ZCCHC4: variants seen among roughly 807,000 people sequenced by gnomAD.
ZCCHC4 encodes zinc finger CCHC-type containing 4.
In ZCCHC4, 54 loss-of-function variants were observed where a neutral mutation model predicts 67.7. The ratio of observed to expected loss-of-function variants is 0.80; its 90% CI spans 0.64 to 1.00. The LOEUF is 1.00. Among genes scored for constraint, ZCCHC4 ranks in the 50% least tolerant of loss-of-function variants. ZCCHC4 has a pLI of 0.00. For synonymous variants in ZCCHC4, 198 were observed against 213.5 expected (o/e 0.93, Z 0.63); for missense variants, 609 against 617.0 (o/e 0.99, Z 0.14).
At chr4:25,342,502 T>C (rs1719803901) in intron 5 of ZCCHC4, among the ~76,000 whole-genome samples, 1 of 152,232 alleles carries the variant, frequency 6.6e-6, no homozygotes, top group South Asian at 2.1e-4. Context: ...TGAAACTCTA[T>C]TTGGCAAACT....
In ZCCHC4 at chr4:25,359,786, C is replaced by T. The variant is rs1560416093; in HGVS notation, c.1012-2073C>T. On this transcript the variant is annotated intron_variant, in intron 8 of 12. Transcript: ENST00000302874. The surrounding 1 kb of genome is among the most constrained non-coding windows in gnomAD (Gnocchi z 4.9). The stretch of plus-strand genomic sequence containing the variant: ...TGCGCGACCTGGTCCCACCCTGGCA[C>T]TCCAGCCTAAAGACTATGTGCTGCA... 6.6e-6 allele frequency among the ~76,000 whole-genome samples: 1 copy of T among 152,252 alleles called. No homozygotes were observed. The highest frequency in any genetic ancestry group is 1.5e-5 in the Non-Finnish European group (1 of 68,052).
At chr4:25,316,958 A>G (rs939262860) in intron 3 of ZCCHC4, among the ~76,000 whole-genome samples, 3 of 152,206 alleles carry the variant, frequency 2.0e-5, no homozygotes, top group Non-Finnish European at 4.4e-5. Context: ...ATCTCTAAAC[A>G]TCTATTTTTA....
At chr4:25,337,475 A>C (rs1719513618) in intron 5 of ZCCHC4, among the ~76,000 whole-genome samples, 1 of 152,178 alleles carries the variant, frequency 6.6e-6, no homozygotes, top group South Asian at 2.1e-4. Context: ...TTTTCCTGAG[A>C]ACTCCAGCAG....
intron 10 of ZCCHC4, among the ~76,000 whole-genome samples, chr4:25,363,304 T>C (rs539266525): frequency 6.6e-6 from 1 of 152,354 alleles, no homozygotes; most frequent in African/African-American, 2.4e-5. Flanking sequence ...TTTCACTTAG[T>C]AATAGGCATT....
At chr4:25,362,439 A>T (rs1720782834) in intron 10 of ZCCHC4, 138 bp downstream of exon 10, 2 of 479,412 alleles carry the variant, frequency 4.2e-6, no homozygotes, top group Non-Finnish European at 6.8e-6. Context: ...ATTATGCTAT[A>T]ATACAATATT....
At chr4:25,352,385 T>A in intron 8 of ZCCHC4, 2 of 985,578 alleles carry the variant, frequency 2.0e-6, no homozygotes, top group African/African-American at 3.5e-5. Context: ...TCGCCATCAC[T>A]GTTTATGGTC....
intron 8 of ZCCHC4, among the ~76,000 whole-genome samples, chr4:25,360,372 T>C (rs1414996977): frequency 6.6e-6 from 1 of 152,178 alleles, no homozygotes; most frequent in East Asian, 1.9e-4. Flanking sequence ...TGACTACAGA[T>C]AGTTTTGGCT....
chr4:25,316,598 T>C (rs138785157), intron 3 of ZCCHC4, among the ~76,000 whole-genome samples: 61 of 151,410 alleles, frequency 4.0e-4, no homozygotes, highest in African/African-American at 1.4e-3. Context: ...TTTCATGTGC[T>C]TACTGGCTAT....
chr4:25,345,483 A>G, intron 5 of ZCCHC4, 65 bp from the exon 6 acceptor site: 1 of 920,762 alleles, frequency 1.1e-6, no homozygotes, highest in Middle Eastern at 3.1e-4. Flanking sequence ...TTGTTTTAAA[A>G]TTTAGTTTAT....
intron 3 of ZCCHC4, among the ~76,000 whole-genome samples, chr4:25,329,462 T>C (rs1221703818): frequency 1.3e-5 from 2 of 151,670 alleles, no homozygotes; most frequent in African/African-American, 2.4e-5. Context: ...GTTATTCCCA[T>C]GTAAGGTGTT....
chr4:25,316,857 C>T (rs10013321), intron 3 of ZCCHC4, among the ~76,000 whole-genome samples: 66,702 of 151,816 alleles, frequency 0.44, 16,460 homozygotes, highest in Non-Finnish European at 0.56. Flanking sequence ...CTTGTGCTTT[C>T]GGTGTATAGA....
At chr4:25,350,009 C>A (rs1350886785) in intron 7 of ZCCHC4, among the ~76,000 whole-genome samples, 1 of 152,130 alleles carries the variant, frequency 6.6e-6, no homozygotes, top group Non-Finnish European at 1.5e-5. Flanking sequence ...CCGACACATA[C>A]CTCTGCCCTG....
At chr4:25,323,038 T>C (rs1718666083) in intron 3 of ZCCHC4, among the ~76,000 whole-genome samples, 1 of 152,208 alleles carries the variant, frequency 6.6e-6, no homozygotes, top group Non-Finnish European at 1.5e-5. Context: ...CAGATAATGT[T>C]TGGTTGTTCC....
intron 8 of ZCCHC4, chr4:25,352,247 T>G (rs554581009): frequency 2.0e-6 from 2 of 985,340 alleles, no homozygotes; most frequent in African/African-American, 1.7e-5. Context: ...ACTATGGAAT[T>G]TTCCCCCTGC....
chr4:25,367,581 C>T (rs1720996803), intron 12 of ZCCHC4, among the ~76,000 whole-genome samples: 1 of 151,976 alleles, frequency 6.6e-6, no homozygotes, highest in Non-Finnish European at 1.5e-5. Flanking sequence ...AAGAAATTAT[C>T]CTACTTTAAA....
In ZCCHC4 at chr4:25,333,266, G is replaced by A; in HGVS notation, c.413G>A (p.Gly138Glu). The change falls in exon 4 of 13, where the codon GGG becomes GAG. Residue 138 changes from glycine to glutamate, a missense_variant. Gly to Glu is a moderately conservative substitution (Grantham distance 98, BLOSUM62 -2). Transcript: ENST00000302874. ...CAGTTGTTGTTACCAGATGACTGGG[G>A]GCAACATAGTGAGCATCAGGTTCTG... is the stretch of plus-strand genomic sequence containing the variant. ...CQQLLLPDDW[G>E]QHSEHQVLGN... The A allele has an allele frequency of 6.2e-7, 1 of 1,614,122 alleles. No individual in the cohort carries two copies. Among genetic ancestry groups the A allele is most frequent in the African/African-American group, 1.3e-5 (1 of 75,028 alleles).
At chr4:25,336,807 C>T (rs932750648) in intron 5 of ZCCHC4, among the ~76,000 whole-genome samples, 1 of 152,068 alleles carries the variant, frequency 6.6e-6, no homozygotes, top group African/African-American at 2.4e-5. Context: ...TTTTTGAGTG[C>T]CTGTTATATT....
At chr4:25,367,158 T>G (rs1720985305) in intron 12 of ZCCHC4, among the ~76,000 whole-genome samples, 1 of 152,190 alleles carries the variant, frequency 6.6e-6, no homozygotes, top group Non-Finnish European at 1.5e-5. Flanking sequence ...ATTAATTTGT[T>G]TTTCCTTGGT....
intron 3 of ZCCHC4, among the ~76,000 whole-genome samples, chr4:25,332,819 T>C (rs1355831659): frequency 6.6e-6 from 1 of 152,230 alleles, no homozygotes; most frequent in African/African-American, 2.4e-5. Flanking sequence ...GCCAGACTGT[T>C]TAACAGATAA....
Sources: allele counts gnomAD v4.1 joint callset (sites outside exome capture counted in the v4.1 genomes callset), GRCh38; gene constraint gnomAD v4.1.1; non-coding constraint Gnocchi (gnomAD v3.1); transcripts MANE v1.5; gene names NCBI Gene and HGNC (gene_info 2026-07-23, HGNC 2026-07-21).